DCLRE1C: variants seen among roughly 807,000 people sequenced by gnomAD.
The protein encoded by DCLRE1C is protein artemis.
DCLRE1C carries 47 observed loss-of-function variants against 61.4 expected under a neutral mutation model. The ratio of observed to expected loss-of-function variants is 0.77; its 90% confidence interval spans 0.61 to 0.98. The LOEUF (loss-of-function observed/expected upper bound fraction) is 0.98, where lower values mean the gene tolerates loss of function less well. Ranked by LOEUF, DCLRE1C falls within the 50% of genes least tolerant of loss-of-function variation. The pLI, the probability that DCLRE1C is intolerant of heterozygous loss-of-function variation, is 0.00. For missense variants in DCLRE1C, 858 were observed against 816.0 expected, an observed-to-expected ratio of 1.05 and a Z score of -0.63; for synonymous variants, 337 against 287.6, an observed-to-expected ratio of 1.17 and a Z score of -1.74.
chr10:14,938,787 G>A (rs1241936495), intron 4 of DCLRE1C, among the ~76,000 whole-genome samples: 6 of 152,192 alleles, frequency 3.9e-5, no homozygotes, highest in South Asian at 2.1e-4. Flanking sequence ...TAAATTCTGA[G>A]CATTATAAAA....
exon 14 of DCLRE1C, chr10:14,897,988 T>A (rs1833706867): frequency 6.6e-6 from 1 of 152,034 alleles, no homozygotes; most frequent in Non-Finnish European, 1.5e-5. Context: ...CACAAGCATT[T>A]ATTGCATCCA....
intron 13 of DCLRE1C, among the ~76,000 whole-genome samples, chr10:14,912,533 G>A (rs1835431163): frequency 6.6e-6 from 1 of 152,202 alleles, no homozygotes. Context: ...ATGTCCATCA[G>A]CTGGTGAGTG....
chr10:14,919,634 C>G (rs903740139), intron 13 of DCLRE1C, 104 bp downstream of exon 13: 1 of 866,918 alleles, frequency 1.2e-6, no homozygotes, highest in Non-Finnish European at 2.0e-6. Flanking sequence ...TGTGGTGGGT[C>G]CCAGGTCCAC....
chr10:14,951,159 A>G (rs1842398298), intron 1 of DCLRE1C, among the ~76,000 whole-genome samples: 1 of 152,034 alleles, frequency 6.6e-6, no homozygotes, highest in Admixed American at 6.6e-5. Flanking sequence ...TGAGTGGATC[A>G]CCTGCACCCA....
In DCLRE1C at chr10:14,920,393, C is replaced by A. The variant is rs41299702; in HGVS notation, c.1062-561G>T. On this transcript the variant is annotated intron_variant, in intron 12 of 13. Transcript: ENST00000378278. ...AAGACGTCCTACCCCTTTCGAAGGC[C>A]TCACTGCCAACTGCCTCCTCCTGGC... 115 of 1,013,408 alleles carry A rather than the reference C, an allele frequency of 1.1e-4. No homozygotes were observed. In the African/African-American group the frequency reaches 1.8e-3, roughly 16 times the overall value. The allele number at this position is 1,013,408 out of a possible 1,614,324, so 62.8% of individuals were successfully genotyped here.
rs1554773194 is a variant in DCLRE1C at position 14,908,165 on chromosome 10, C to CTTTTCTT, written c.*242_*243insAAGAAAA. 1.0e-5 allele frequency: 2 copies of CTTTTCTT among 197,858 alleles called. No homozygotes were observed. The highest frequency in any genetic ancestry group is 3.5e-4 in the East Asian group (2 of 5,636). 12.3% of individuals were successfully genotyped at this position (197,858 alleles called of 1,614,324 possible). ...CAGAGTAGCCCACCACCATGCCTGG[C>CTTTTCTT]TTTTTTTTTTTTTTTTTTTTTTGTA... On this transcript the variant is annotated 3_prime_UTR_variant, in exon 14 of 14. Transcript: ENST00000378278.
rs772438042 is a variant in DCLRE1C at position 14,928,086 on chromosome 10, G to T, written c.847C>A (p.His283Asn). Reference sequence around the variant, plus strand: ...GTGGATGGCTTAATGCTGATTATGTGGAGTGGAATTCTATTTCTGGAAGTA... The same window carrying T: ...GTGGATGGCTTAATGCTGATTATGTTGAGTGGAATTCTATTTCTGGAAGTA... ...GITSRNRIPL[H>N]IISIKPSTMW... Residue 283 changes from histidine to asparagine, a missense_variant, in exon 10 of 14, where the codon CAC becomes AAC. Physicochemically the swap from His to Asn is moderately conservative, Grantham distance 68. Around this residue, in one of 2 missense-constraint regions of DCLRE1C, gnomAD observed 843 missense variants for 783.5 expected, o/e 1.08. Coordinates refer to ENST00000378278, the MANE Select transcript of DCLRE1C (RefSeq NM_001033855.3). 1.9e-6 allele frequency: 3 copies of T among 1,613,436 alleles called. No homozygotes were observed. The highest frequency in any genetic ancestry group is 2.5e-6 in the Non-Finnish European group (3 of 1,179,654).
downstream of DCLRE1C, among the ~76,000 whole-genome samples, chr10:14,900,700 G>A (rs1433296833): frequency 1.3e-5 from 2 of 152,190 alleles, no homozygotes; most frequent in Non-Finnish European, 2.9e-5. Flanking sequence ...ACTCCATGCA[G>A]TGTAAAATTT....
downstream of DCLRE1C, chr10:14,901,272 T>C (rs1420453666): frequency 6.2e-6 from 10 of 1,613,444 alleles, no homozygotes; most frequent in Admixed American, 5.0e-5. Flanking sequence ...GGTATGCTTT[T>C]CAAGTACAGT....
At chr10:14,913,529 T>C (rs991440329) in intron 13 of DCLRE1C, among the ~76,000 whole-genome samples, 4 of 152,348 alleles carry the variant, frequency 2.6e-5, no homozygotes, top group African/African-American at 9.6e-5. Flanking sequence ...TCCTATACCA[T>C]ATTTGGAGTA....
chr10:14,938,747 A>T (rs1362364950), intron 4 of DCLRE1C, among the ~76,000 whole-genome samples: 1 of 152,198 alleles, frequency 6.6e-6, no homozygotes, highest in Non-Finnish European at 1.5e-5. Context: ...AATATTCATG[A>T]ATTACCTGCA....
At chr10:14,916,331 C>T (rs1014143709) in intron 13 of DCLRE1C, among the ~76,000 whole-genome samples, 13 of 151,942 alleles carry the variant, frequency 8.6e-5, no homozygotes, top group African/African-American at 2.2e-4. Context: ...ATATAGAAAC[C>T]GCAATGGAAT....
Position 14,908,121 on chromosome 10 carries a change from A to G in DCLRE1C, c.*287T>C, listed in dbSNP as rs1451168560. On this transcript the variant is annotated 3_prime_UTR_variant, in exon 14 of 14. Transcript: ENST00000378278. ...CTGCAGCCTCAATCTCCTGGGCTCA[A>G]GTGATCCTCAAGGGCCTCCAGAGTA... 6 of 348,570 alleles carry G rather than the reference A, an allele frequency of 1.7e-5. No homozygotes were observed. The highest frequency in any genetic ancestry group is 9.2e-5 in the African/African-American group (4 of 43,400). 21.6% of individuals were successfully genotyped at this position (348,570 alleles called of 1,614,324 possible). A position where few individuals can be genotyped will look rare whatever the true frequency, so the allele number is the denominator to read the frequency against.
At chr10:14,936,335 T>C (rs1190809223) in intron 5 of DCLRE1C, among the ~76,000 whole-genome samples, 1 of 149,634 alleles carries the variant, frequency 6.7e-6, no homozygotes, top group African/African-American at 2.4e-5. Flanking sequence ...TCTTTTTTTT[T>C]TTTTTTTTAA....
At chr10:14,926,510 T>C (rs576016993) in intron 11 of DCLRE1C, among the ~76,000 whole-genome samples, 1 of 152,046 alleles carries the variant, frequency 6.6e-6, no homozygotes, top group South Asian at 2.1e-4. Flanking sequence ...AAATTTTAGC[T>C]GGGCATGGTG....
intron 4 of DCLRE1C, among the ~76,000 whole-genome samples, chr10:14,937,247 T>G (rs1411497252): frequency 6.6e-6 from 1 of 151,498 alleles, no homozygotes; most frequent in East Asian, 1.9e-4. Flanking sequence ...TACACAAGTG[T>G]GTGACTCGAT....
At chr10:14,947,762 CA>C (rs1288423505) in intron 2 of DCLRE1C, among the ~76,000 whole-genome samples, 12 of 151,782 alleles carry the variant, frequency 7.9e-5, no homozygotes, top group Non-Finnish European at 1.5e-5. Flanking sequence ...CACAGGTGAC[CA>C]AAAAAAATTA....
At chr10:14,926,570 C>G (rs1023948782) in intron 11 of DCLRE1C, among the ~76,000 whole-genome samples, 19 of 151,528 alleles carry the variant, frequency 1.3e-4, no homozygotes, top group Non-Finnish European at 1.8e-4. Flanking sequence ...AGGAGAATCA[C>G]CTGAACCCAG....
At position 14,905,227 on chromosome 10, in the gene DCLRE1C, G is replaced by C. The variant is rs894208571; in HGVS notation, c.*3181C>G. Among the ~76,000 whole-genome samples, 28 of 152,318 alleles carry C rather than the reference G, an allele frequency of 1.8e-4. No homozygotes were observed. In the East Asian group the frequency reaches 4.4e-3, roughly 24 times the overall value. ...GGTTCATGCATTTGATACTACACTTGATCTTGGCCAAAAGGCCAAGGAGTG... is the reference window on the plus strand; with the variant it reads ...GGTTCATGCATTTGATACTACACTTCATCTTGGCCAAAAGGCCAAGGAGTG... On this transcript the variant is annotated 3_prime_UTR_variant, in exon 14 of 14. Coordinates refer to ENST00000378278, the MANE Select transcript of DCLRE1C (RefSeq NM_001033855.3).
Sources: allele counts gnomAD v4.1 joint callset (sites outside exome capture counted in the v4.1 genomes callset), GRCh38; gene constraint gnomAD v4.1.1; regional missense constraint gnomAD v4.1.1; transcripts MANE v1.5; gene names NCBI Gene and HGNC (gene_info 2026-07-23, HGNC 2026-07-21).